Variants in LRRC37A3 observed in about 807,000 individuals in gnomAD.
LRRC37A3 encodes the protein leucine-rich repeat-containing protein 37A3.
In LRRC37A3, 25 loss-of-function variants were observed where a neutral mutation model predicts 106.2. That is an observed-to-expected ratio of 0.24 (90% CI 0.17 to 0.33). The LOEUF is 0.33. LRRC37A3 is among the 10% of genes least tolerant of loss of function. The pLI is 1.00. For synonymous variants in LRRC37A3, 305 were observed against 635.8 expected, an observed-to-expected ratio of 0.48 and a Z score of 7.83; for missense variants, 712 against 1,644.9, an observed-to-expected ratio of 0.43 and a Z score of 9.81.
At chr17:64,866,908 G>A (rs531512355) in intron 10 of LRRC37A3, among the ~76,000 whole-genome samples, 1 of 149,324 alleles carries the variant, frequency 6.7e-6, no homozygotes, top group Admixed American at 6.7e-5. Flanking sequence ...CTTGAGACCA[G>A]GAGTCCAAGA....
chr17:64,861,522 C>T (rs890686563), intron 11 of LRRC37A3, among the ~76,000 whole-genome samples: 1 of 152,210 alleles, frequency 6.6e-6, no homozygotes, highest in East Asian at 1.9e-4. Context: ...ATGCGCTCCA[C>T]CCACCCCATT....
chr17:64,917,574 T>C (rs539764153), intron 2 of LRRC37A3, among the ~76,000 whole-genome samples: 15 of 152,058 alleles, frequency 9.9e-5, no homozygotes, highest in Admixed American at 5.2e-4. Context: ...AAAGGACTGC[T>C]ACTCAGCAAT....
At chr17:64,858,442 A>G (rs1171374966) in intron 13 of LRRC37A3, among the ~76,000 whole-genome samples, 2 of 151,638 alleles carry the variant, frequency 1.3e-5, no homozygotes, top group East Asian at 3.8e-4. Context: ...AGCAACAAGG[A>G]AATAATTTAG....
At position 64,860,959 on chromosome 17, in the gene LRRC37A3, C is replaced by A; in HGVS notation, c.3187G>T (p.Val1063Leu). 6.2e-7 allele frequency: 1 copy of A among 1,613,968 alleles called. No individual in the cohort carries two copies. The highest frequency in any genetic ancestry group is 8.5e-7 in the Non-Finnish European group (1 of 1,179,908). Residue 1063 changes from valine to leucine, a missense_variant, in exon 12 of 15, where the codon GTA becomes TTA. Transcript: ENST00000584306. ...NTTHCPEEAS[V>L]GNPEGAFMKV... is the part of the protein sequence containing the mutation. ...ATGAACGCTCCTTCTGGATTCCCTA[C>A]AGATGCTTCTTCAGCTGTCAAAAAA...
At chr17:64,879,729 T>G (rs1029830087) in intron 8 of LRRC37A3, among the ~76,000 whole-genome samples, 10 of 152,176 alleles carry the variant, frequency 6.6e-5, no homozygotes, top group African/African-American at 2.4e-4. Context: ...GGCTACCCCC[T>G]CATTCTATAT....
chr17:64,904,166 CAAAACTT>C (rs1974394069), intron 2 of LRRC37A3, among the ~76,000 whole-genome samples: 2 of 151,956 alleles, frequency 1.3e-5, no homozygotes, highest in Admixed American at 6.5e-5. Flanking sequence ...AATGTTTACA[CAAAACTT>C]TCTGTAAATC....
rs543692794 is a variant in LRRC37A3, at chr17:64,854,553, C to A, written c.*46G>T. ...CTGCTTTTTTGATGGCCGTTGTTTA[C>A]GCTATGTATTTTTGCAGGAGGCCTG... On this transcript the variant is annotated 3_prime_UTR_variant, in exon 15 of 15. Transcript: ENST00000584306. 3 of 1,613,564 alleles carry A rather than the reference C, an allele frequency of 1.9e-6. No homozygotes were observed. The Admixed American group carries it at 5.0e-5, about 27-fold the overall frequency.
intron 8 of LRRC37A3, among the ~76,000 whole-genome samples, chr17:64,884,453 T>C (rs1386415032): frequency 6.7e-5 from 10 of 149,544 alleles, no homozygotes; most frequent in African/African-American, 1.5e-4. Context: ...GCAACCTCCG[T>C]CTCCTGGTTT....
intron 8 of LRRC37A3, among the ~76,000 whole-genome samples, chr17:64,878,318 A>G (rs953476616): frequency 2.0e-5 from 3 of 152,164 alleles, no homozygotes; most frequent in African/African-American, 7.2e-5. Context: ...CAAACAACCA[A>G]AGGAAAAATA....
intron 2 of LRRC37A3, among the ~76,000 whole-genome samples, chr17:64,910,621 A>T (rs1327349458): frequency 1.4e-5 from 2 of 145,844 alleles, no homozygotes; most frequent in African/African-American, 5.0e-5. Flanking sequence ...AAGGAAGAAG[A>T]GTAACATTGT....
intron 8 of LRRC37A3, among the ~76,000 whole-genome samples, chr17:64,884,353 T>G (rs150990782): frequency 0.04 from 6,018 of 151,330 alleles, 366 homozygotes; most frequent in African/African-American, 0.13. Context: ...TGATGATTAT[T>G]ATTATTATTA....
In LRRC37A3 at chr17:64,872,855, C is replaced by A. The variant is rs1033744097; in HGVS notation, c.2907-3689G>T. Among the ~76,000 whole-genome samples, 142 of 151,996 alleles carry A rather than the reference C, an allele frequency of 9.3e-4. 1 individual carries two copies. The South Asian group carries it at 0.013, about 14-fold the overall frequency. ...CATAAACTCTCACCCCTGGCTGACA[C>A]CTTGAGGTTCTGCACAAGCAAGAAG... On this transcript the variant is annotated intron_variant, in intron 8 of 14. Coordinates refer to ENST00000584306, the MANE Select transcript of LRRC37A3 (RefSeq NM_199340.5).
chr17:64,876,394 T>C (rs1973517416), intron 8 of LRRC37A3, among the ~76,000 whole-genome samples: 1 of 152,016 alleles, frequency 6.6e-6, no homozygotes, highest in Non-Finnish European at 1.5e-5. Flanking sequence ...TATGTTGCCC[T>C]GGCTGGCCTT....
At position 64,864,393 on chromosome 17, in the gene LRRC37A3, A is replaced by G. The variant is rs538489723; in HGVS notation, c.3054-1375T>C. On this transcript the variant is annotated intron_variant, in intron 10 of 14. Transcript: ENST00000584306. ...AGAGGCATGTTTTAGATTAAAGGAA[A>G]TGAAGACATGACATGCAGTGCCTGA... Among the ~76,000 whole-genome samples the G allele has an allele frequency of 4.8e-3, 726 of 152,336 alleles. 7 individuals carry two copies. Among genetic ancestry groups the G allele is most frequent in the African/African-American group, 0.017 (691 of 41,576 alleles).
chr17:64,908,699 C>A lies in LRRC37A3; in HGVS notation c.-496+10051G>T, dbSNP rs1379921260. ...GGCCGAGGCAGGAGAATCACGTGAA[C>A]CCGGGAGGCGGAGGTTGCAGTGAGC... On this transcript the variant is annotated intron_variant, in intron 2 of 14. Coordinates refer to ENST00000584306, the MANE Select transcript of LRRC37A3 (RefSeq NM_199340.5). Among the ~76,000 whole-genome samples, 3 of 113,922 alleles carry A rather than the reference C, an allele frequency of 2.6e-5. No homozygotes were observed. In the South Asian group the frequency reaches 8.8e-4, roughly 33 times the overall value. 74.7% of individuals were successfully genotyped at this position (113,922 alleles called of 152,430 possible).
rs1972807210 is a variant in LRRC37A3 at position 64,859,804 on chromosome 17, T to A, written c.4342A>T (p.Asn1448Tyr). 1 of 1,612,098 alleles carries A rather than the reference T, an allele frequency of 6.2e-7. No individual in the cohort carries two copies. The highest frequency in any genetic ancestry group is 1.3e-5 in the African/African-American group (1 of 74,774). The stretch of plus-strand genomic sequence containing the variant: ...GGGGACAGGTCAGTGCCCACGTTGT[T>A]GTATTCCCATTTTGTCTCAGTTTGT... ...VKQTETKWEY[N>Y]NVGTDLSPEP... Residue 1448 changes from asparagine (N) to tyrosine (Y), a missense_variant, in exon 12 of 15, where the codon AAC (asparagine) becomes TAC (tyrosine). Physicochemically the swap from Asn to Tyr is moderately radical, Grantham distance 143. Coordinates refer to ENST00000584306, the MANE Select transcript of LRRC37A3 (RefSeq NM_199340.5).
At chr17:64,879,279 T>C (rs906603998) in intron 8 of LRRC37A3, among the ~76,000 whole-genome samples, 3 of 152,158 alleles carry the variant, frequency 2.0e-5, no homozygotes, top group South Asian at 4.1e-4. Flanking sequence ...CTTGAGAATA[T>C]ACTAACCACC....
intron 8 of LRRC37A3, among the ~76,000 whole-genome samples, chr17:64,874,332 G>C (rs959085776): frequency 3.9e-5 from 6 of 151,974 alleles, no homozygotes; most frequent in Non-Finnish European, 8.8e-5. Flanking sequence ...GTCTCTGCCT[G>C]GCTGCCCCGT....
chr17:64,877,784 G>A (rs888053102), intron 8 of LRRC37A3, among the ~76,000 whole-genome samples: 3 of 152,170 alleles, frequency 2.0e-5, no homozygotes, highest in Non-Finnish European at 4.4e-5. Flanking sequence ...CAATCACAGT[G>A]TGATACTGGA....
Sources: gnomAD v4.1 joint callset for allele counts (sites outside exome capture counted in the v4.1 genomes callset) on GRCh38, gnomAD v4.1.1 for gene constraint, MANE v1.5 for transcripts, NCBI Gene and HGNC (gene_info 2026-07-23, HGNC 2026-07-21) for gene names.